NF1: variants seen among roughly 807,000 people sequenced by gnomAD.
NF1 encodes neurofibromin 1.
In NF1, 122 loss-of-function variants were observed where a neutral mutation model predicts 325.7. The ratio of observed to expected loss-of-function variants is 0.37; its 90% CI spans 0.32 to 0.44. The LOEUF is 0.44. Ranked by LOEUF, NF1 falls within the 20% of genes least tolerant of loss-of-function variation. The pLI, the probability that NF1 is intolerant of heterozygous loss-of-function variation, is 1.00. For synonymous variants in NF1, 1,091 were observed against 1,186.0 expected (o/e 0.92, Z 1.65); for missense variants, 2,140 against 3,415.4 (o/e 0.63, Z 9.31).
intron 1 of NF1, among the ~76,000 whole-genome samples, chr17:31,116,579 A>G (rs1913935637): frequency 6.6e-6 from 1 of 152,204 alleles, no homozygotes; most frequent in Non-Finnish European, 1.5e-5. Context: ...TCAAAACATC[A>G]TGACCACATC....
chr17:31,258,516 A>G lies in NF1; in HGVS notation c.4332+14A>G, dbSNP rs2151462264. On this transcript the variant is annotated intron_variant, in intron 32 of 57. Coordinates refer to ENST00000358273, the MANE Select transcript of NF1 (RefSeq NM_001042492.3). The stretch of plus-strand genomic sequence containing the variant: ...TTAATGTCAAAGGTGAATTATTTTG[A>G]TAATCTAGCTATCTTAAATTCCCCT... 6.2e-7 allele frequency: 1 copy of G among 1,613,068 alleles called. No homozygotes were observed. Among genetic ancestry groups the G allele is most frequent in the Non-Finnish European group, 8.5e-7 (1 of 1,179,660 alleles).
At chr17:31,364,535 A>G (rs1355955075) in intron 57 of NF1, among the ~76,000 whole-genome samples, 2 of 152,216 alleles carry the variant, frequency 1.3e-5, no homozygotes, top group African/African-American at 4.8e-5. Context: ...CCCCAGCATT[A>G]GGTCTTACTT....
chr17:31,256,898 C>G (rs2067592441), intron 31 of NF1, among the ~76,000 whole-genome samples: 1 of 152,162 alleles, frequency 6.6e-6, no homozygotes, highest in African/African-American at 2.4e-5. Flanking sequence ...TTAGTTACAA[C>G]TGACCTCTTT....
intron 1 of NF1, among the ~76,000 whole-genome samples, chr17:31,099,651 C>T (rs1055489933): frequency 6.6e-6 from 1 of 151,222 alleles, no homozygotes; most frequent in Non-Finnish European, 1.5e-5. Flanking sequence ...CCTCTGCCTC[C>T]TGGGTTCAAG....
intron 39 of NF1, 137 bp downstream of exon 39, chr17:31,330,635 G>A (rs2069458818): frequency 1.4e-6 from 1 of 696,074 alleles, no homozygotes; most frequent in Non-Finnish European, 2.4e-6. Flanking sequence ...TTATATCTGT[G>A]GTATCCTGTA....
chr17:31,133,538 A>G lies in NF1; in HGVS notation c.61-22445A>G, dbSNP rs1018287773. Reference sequence around the variant, plus strand: ...GGATCATATGGTAATTCTATTTGTAATATGTTGAGGAACTGTTTTACTGTT... The same window carrying G: ...GGATCATATGGTAATTCTATTTGTAGTATGTTGAGGAACTGTTTTACTGTT... On this transcript the variant is annotated intron_variant, in intron 1 of 57. Coordinates refer to ENST00000358273, the MANE Select transcript of NF1 (RefSeq NM_001042492.3). 4 of 152,152 alleles carry G rather than the reference A, an allele frequency of 2.6e-5. No individual in the cohort carries two copies. In the South Asian group the frequency reaches 6.2e-4, roughly 24 times the overall value. 9.4% of individuals were successfully genotyped at this position (152,152 alleles called of 1,614,324 possible).
At chr17:31,340,417 A>T (rs2151561075) in intron 46 of NF1, 88 bp from the exon 47 acceptor site, 1 of 1,535,264 alleles carries the variant, frequency 6.5e-7, no homozygotes, top group Non-Finnish European at 9.0e-7. Flanking sequence ...TTAGGAAGAT[A>T]AGCTGCTTTA....
In NF1 at chr17:31,140,359, T is replaced by TA. The variant is rs541724826; in HGVS notation, c.61-15622dup. Among the ~76,000 whole-genome samples the TA allele has an allele frequency of 3.9e-3, 592 of 152,290 alleles. 1 individual carries two copies. Among genetic ancestry groups the TA allele is most frequent in the Non-Finnish European group, 6.0e-3 (410 of 68,026 alleles). On this transcript the variant is annotated intron_variant, in intron 1 of 57. Transcript: ENST00000358273. ...CAATTGTGGGATTCAATGAGGTGTA[T>TA]AATGTGTTTAGTGCCTGGTACTTGT...
At chr17:31,166,002 T>A (rs2065838755) in intron 4 of NF1, among the ~76,000 whole-genome samples, 2 of 152,190 alleles carry the variant, frequency 1.3e-5, no homozygotes, top group Admixed American at 1.3e-4. Flanking sequence ...TGGCTATAAA[T>A]CTTAAGATAG....
intron 36 of NF1, among the ~76,000 whole-genome samples, chr17:31,283,458 GT>G (rs1457028569): frequency 6.8e-6 from 1 of 146,428 alleles, no homozygotes; most frequent in Non-Finnish European, 1.5e-5. Flanking sequence ...CAGTTTTTTT[GT>G]TTTTGTTTTT....
chr17:31,183,414 G>A (rs959346106), intron 8 of NF1: 1 of 152,154 alleles, frequency 6.6e-6, no homozygotes, highest in African/African-American at 2.4e-5. Context: ...TTATTACTTT[G>A]TAGAAGTATT....
intron 1 of NF1, among the ~76,000 whole-genome samples, chr17:31,102,551 T>G: frequency 6.6e-6 from 1 of 152,038 alleles, no homozygotes; most frequent in South Asian, 2.1e-4. Context: ...AAGACCAGGC[T>G]GTGCAACATA....
At chr17:31,307,970 A>C (rs2151513214) in intron 36 of NF1, 1 of 1,247,828 alleles carries the variant, frequency 8.0e-7, no homozygotes, top group Non-Finnish European at 1.0e-6. Flanking sequence ...CTGTTTTAGT[A>C]GAAGAAAAGA....
At chr17:31,145,654 C>G (rs1457239738) in intron 1 of NF1, among the ~76,000 whole-genome samples, 2 of 152,100 alleles carry the variant, frequency 1.3e-5, no homozygotes, top group East Asian at 3.9e-4. Flanking sequence ...TAGTAGGAGC[C>G]TGGGGGGCCT....
At chr17:31,133,481 CTT>C (rs962831676) in intron 1 of NF1, 5 of 152,102 alleles carry the variant, frequency 3.3e-5, no homozygotes, top group African/African-American at 1.2e-4. Context: ...GCTTTCAGTT[CTT>C]TTGCATATGT....
Position 31,226,318 on chromosome 17 carries a change from GACACACACACACACACACAC to G in NF1, c.2002-95_2002-76del, listed in dbSNP as rs59547221. On this transcript the variant is annotated intron_variant, in intron 17 of 57. Coordinates refer to ENST00000358273, the MANE Select transcript of NF1 (RefSeq NM_001042492.3). Reference sequence around the variant, plus strand: ...GCTCTTGTGAGTTATTGTATGCGGAGACACACACACACACACACACACACACACACACACACACACAGTTT... The same window carrying G: ...GCTCTTGTGAGTTATTGTATGCGGAGACACACACACACACACACACAGTTT... The G allele has an allele frequency of 3.6e-4, 246 of 690,032 alleles. 1 individual carries two copies. Among genetic ancestry groups the G allele is most frequent in the South Asian group, 3.5e-3 (204 of 58,318 alleles). The allele number at this position is 690,032 out of a possible 1,614,324, so 42.7% of individuals were successfully genotyped here.
chr17:31,277,144 A>G (rs552759588), intron 36 of NF1, among the ~76,000 whole-genome samples: 1 of 152,290 alleles, frequency 6.6e-6, no homozygotes, highest in African/African-American at 2.4e-5. Flanking sequence ...CTTTATCTTC[A>G]TGTTGAGTAG....
chr17:31,353,143 A>G (rs186661771), intron 51 of NF1, among the ~76,000 whole-genome samples: 349 of 152,262 alleles, frequency 2.3e-3, no homozygotes, highest in Non-Finnish European at 4.2e-3. Flanking sequence ...TCCTGACCTC[A>G]GGTGATACAC....
intron 36 of NF1, among the ~76,000 whole-genome samples, chr17:31,317,291 G>A (rs1462116331): frequency 2.0e-5 from 3 of 151,366 alleles, no homozygotes; most frequent in Non-Finnish European, 4.4e-5. Flanking sequence ...CAACTTAAAT[G>A]TAAGTCATTA....
Sources: allele counts gnomAD v4.1 joint callset (sites outside exome capture counted in the v4.1 genomes callset), GRCh38; gene constraint gnomAD v4.1.1; transcripts MANE v1.5; gene names NCBI Gene and HGNC (gene_info 2026-07-23, HGNC 2026-07-21).